AGAP1: variants seen among roughly 807,000 people sequenced by gnomAD.
The protein encoded by AGAP1 is arf-GAP with GTPase, ANK repeat and PH domain-containing protein 1.
Under a neutral mutation model 105.3 loss-of-function variants are expected in AGAP1, and 29 were observed. The ratio of observed to expected loss-of-function variants is 0.28; its 90% CI spans 0.21 to 0.38. AGAP1 has a LOEUF of 0.38. Among genes scored for constraint, AGAP1 ranks in the 10% least tolerant of loss-of-function variants. AGAP1 has a pLI of 1.00. For synonymous variants in AGAP1, 509 were observed against 485.9 expected, an observed-to-expected ratio of 1.05 and a Z score of -0.63; for missense variants, 998 against 1,165.1, an observed-to-expected ratio of 0.86 and a Z score of 2.09.
chr2:236,016,603 GTA>G (rs2056712568), intron 13 of AGAP1, among the ~76,000 whole-genome samples: 1 of 152,130 alleles, frequency 6.6e-6, no homozygotes, highest in African/African-American at 2.4e-5. Flanking sequence ...ACGGGACCCA[GTA>G]GAACCAGGAG....
rs115941706 is a variant in AGAP1 at position 235,769,113 on chromosome 2, T to C, written c.673+18625T>C. ...GATCCTTTTCTCAGATATTTTGTTT[T>C]CCTGGGTATTTTCCCTCTTCTGGGT... On this transcript the variant is annotated intron_variant, in intron 6 of 17. Coordinates refer to ENST00000304032, the MANE Select transcript of AGAP1 (RefSeq NM_001037131.3). The surrounding 1 kb of genome is among the most constrained non-coding windows in gnomAD (Gnocchi z 4.4). Among the ~76,000 whole-genome samples the C allele has an allele frequency of 7.5e-3, 1,137 of 152,320 alleles. 22 individuals carry two copies. Among genetic ancestry groups the C allele is most frequent in the African/African-American group, 0.026 (1,065 of 41,570 alleles).
intron 11 of AGAP1, among the ~76,000 whole-genome samples, chr2:235,923,504 C>T (rs951880463): frequency 1.1e-4 from 16 of 139,958 alleles, no homozygotes; most frequent in African/African-American, 3.3e-4. Flanking sequence ...CTTCCTGTCC[C>T]GTGCACCCCC....
rs946445612 is a variant in AGAP1 at position 235,549,411 on chromosome 2, A to G, written c.163+54562A>G. Among the ~76,000 whole-genome samples the G allele has an allele frequency of 7.2e-5, 11 of 152,114 alleles. No homozygotes were observed. Among genetic ancestry groups the G allele is most frequent in the African/African-American group, 2.7e-4 (11 of 41,444 alleles). On this transcript the variant is annotated intron_variant, in intron 1 of 17. Transcript: ENST00000304032. This position sits in a 1 kb window ranked among gnomAD's most constrained non-coding sequence, Gnocchi z 4.2. ...AGGACCCCAGAGAGCTCCCCCAGCT[A>G]CTTGGAGAGATGCTGTTGAGGTTGG...
At position 235,961,214 on chromosome 2, in the gene AGAP1, C is replaced by A. The variant is rs1339248090; in HGVS notation, c.1484-7248C>A. Among the ~76,000 whole-genome samples the A allele has an allele frequency of 6.6e-6, 1 of 152,196 alleles. No individual in the cohort carries two copies. Among genetic ancestry groups the A allele is most frequent in the Non-Finnish European group, 1.5e-5 (1 of 68,038 alleles). On this transcript the variant is annotated intron_variant, in intron 12 of 17. Coordinates refer to ENST00000304032, the MANE Select transcript of AGAP1 (RefSeq NM_001037131.3). This position sits in a 1 kb window ranked among gnomAD's most constrained non-coding sequence, Gnocchi z 5.9. ...GGAGAGAGCCACGGAGCACAGGGGGCCGGGAGGGGCTGGATGCGCCAGTGG... is the reference window on the plus strand; with the variant it reads ...GGAGAGAGCCACGGAGCACAGGGGGACGGGAGGGGCTGGATGCGCCAGTGG...
rs1178523831 is a variant in AGAP1, at chr2:236,035,765, G to A, written c.1646-796G>A. 2.0e-5 allele frequency among the ~76,000 whole-genome samples: 3 copies of A among 152,270 alleles called. No individual in the cohort carries two copies. In the East Asian group the frequency reaches 5.8e-4, roughly 30 times the overall value. On this transcript the variant is annotated intron_variant, in intron 13 of 17. Transcript: ENST00000304032. The surrounding 1 kb of genome is among the most constrained non-coding windows in gnomAD (Gnocchi z 4.2). ...CGTGGATCTGTGGAGTGTCTCCTAT[G>A]GACCAGGTCCCAAGTCCGCATGGGT...
intron 6 of AGAP1, among the ~76,000 whole-genome samples, chr2:235,757,608 A>C (rs1954037507): frequency 6.6e-6 from 1 of 151,972 alleles, no homozygotes; most frequent in African/African-American, 2.4e-5. Context: ...AAGCCATTCC[A>C]TTTGTCTTTT....
At chr2:235,573,028 TTC>T (rs1200138616) in intron 1 of AGAP1, among the ~76,000 whole-genome samples, 17,271 of 51,716 alleles carry the variant, frequency 0.33, 2,984 homozygotes, top group South Asian at 0.48. Context: ...CTTCTTCTTC[TTC>T]TTCTTCTTCT....
At chr2:235,534,012 C>G (rs1943128487) in intron 1 of AGAP1, among the ~76,000 whole-genome samples, 1 of 152,242 alleles carries the variant, frequency 6.6e-6, no homozygotes, top group African/African-American at 2.4e-5. Flanking sequence ...TGGGAAGCCC[C>G]CTAACCAACA....
Position 235,690,074 on chromosome 2 carries a change from G to A in AGAP1, c.164-19105G>A, listed in dbSNP as rs1002746094. Among the ~76,000 whole-genome samples the A allele has an allele frequency of 3.9e-5, 6 of 152,010 alleles. No homozygotes were observed. The highest frequency in any genetic ancestry group is 2.1e-4 in the South Asian group (1 of 4,820). ...CTAAGCCCCTGGGTGTCTCTCCCTCGGGGTTTTCATGCAGTATTGACACTC... is the reference window on the plus strand; with the variant it reads ...CTAAGCCCCTGGGTGTCTCTCCCTCAGGGTTTTCATGCAGTATTGACACTC... On this transcript the variant is annotated intron_variant, in intron 1 of 17. Transcript: ENST00000304032. This position sits in a 1 kb window ranked among gnomAD's most constrained non-coding sequence, Gnocchi z 4.1.
Position 235,965,732 on chromosome 2 carries a change from G to A in AGAP1, c.1484-2730G>A, listed in dbSNP as rs1025208522. Among the ~76,000 whole-genome samples, 3 of 152,204 alleles carry A rather than the reference G, an allele frequency of 2.0e-5. No individual in the cohort carries two copies. The highest frequency in any genetic ancestry group is 7.2e-5 in the African/African-American group (3 of 41,450). On this transcript the variant is annotated intron_variant, in intron 12 of 17. Coordinates refer to ENST00000304032, the MANE Select transcript of AGAP1 (RefSeq NM_001037131.3). The surrounding 1 kb of genome is among the most constrained non-coding windows in gnomAD (Gnocchi z 5.8). ...TAGTAACTTTGGATGAGTGTTTGCT[G>A]TTGAGACTGTGGCTTCAAGGGTTAA...
chr2:235,800,456 G>A (rs527707030), intron 8 of AGAP1, among the ~76,000 whole-genome samples: 3 of 152,210 alleles, frequency 2.0e-5, no homozygotes, highest in African/African-American at 7.2e-5. Flanking sequence ...GAATCTCTGA[G>A]CTACAGAGGT....
rs908896397 is a variant in AGAP1 at position 235,865,164 on chromosome 2, G to C, written c.1051-18181G>C. On this transcript the variant is annotated intron_variant, in intron 9 of 17. Coordinates refer to ENST00000304032, the MANE Select transcript of AGAP1 (RefSeq NM_001037131.3). This position sits in a 1 kb window ranked among gnomAD's most constrained non-coding sequence, Gnocchi z 6.2. ...CTTTTCTTTATTATCCCAAATTACT[G>C]CTGAGCTCTGGAGAGGGGAGCAGTT... 1.3e-5 allele frequency among the ~76,000 whole-genome samples: 2 copies of C among 152,182 alleles called. No individual in the cohort carries two copies. Among genetic ancestry groups the C allele is most frequent in the Non-Finnish European group, 2.9e-5 (2 of 68,040 alleles).
chr2:235,778,233 A>C (rs1956028074), intron 6 of AGAP1, among the ~76,000 whole-genome samples: 1 of 151,290 alleles, frequency 6.6e-6, no homozygotes, highest in African/African-American at 2.4e-5. Flanking sequence ...ACCTTGTACG[A>C]CCCTTGCCAT....
chr2:235,591,676 G>T (rs1222282216), intron 1 of AGAP1, among the ~76,000 whole-genome samples: 3 of 152,164 alleles, frequency 2.0e-5, no homozygotes, highest in African/African-American at 7.2e-5. Flanking sequence ...CAGGTGCTTG[G>T]GTCATGGGGG....
Position 235,528,967 on chromosome 2 carries a change from C to T in AGAP1, c.163+34118C>T, listed in dbSNP as rs116589132. 5.1e-3 allele frequency among the ~76,000 whole-genome samples: 784 copies of T among 152,292 alleles called. 5 individuals carry two copies. Among genetic ancestry groups the T allele is most frequent in the African/African-American group, 0.017 (716 of 41,558 alleles). Reference sequence around the variant, plus strand: ...CTGGGATTACATGCATGAGCCACTGCGCCCAGCCAGTGGGGTTAATTTTTG... The same window carrying T: ...CTGGGATTACATGCATGAGCCACTGTGCCCAGCCAGTGGGGTTAATTTTTG... On this transcript the variant is annotated intron_variant, in intron 1 of 17. Transcript: ENST00000304032.
rs2049929272 is a variant in AGAP1, at chr2:235,879,987, T to G, written c.1051-3358T>G. Among the ~76,000 whole-genome samples, 1 of 151,598 alleles carries G rather than the reference T, an allele frequency of 6.6e-6. No homozygotes were observed. The highest frequency in any genetic ancestry group is 6.6e-5 in the Admixed American group (1 of 15,220). ...TTAGCCGAACAGGATGGCACACGCC[T>G]GTAGTCCCAAGCTACTCAGGAGGAA... On this transcript the variant is annotated intron_variant, in intron 9 of 17. Coordinates refer to ENST00000304032, the MANE Select transcript of AGAP1 (RefSeq NM_001037131.3). This position sits in a 1 kb window ranked among gnomAD's most constrained non-coding sequence, Gnocchi z 5.0.
At chr2:235,595,829 TAAG>T (rs1945508172) in intron 1 of AGAP1, among the ~76,000 whole-genome samples, 1 of 152,178 alleles carries the variant, frequency 6.6e-6, no homozygotes, top group Admixed American at 6.5e-5. Context: ...CTTTGAAAAT[TAAG>T]AAAAATTATA....
intron 10 of AGAP1, among the ~76,000 whole-genome samples, chr2:235,902,761 G>A (rs912998195): frequency 2.0e-5 from 3 of 152,128 alleles, no homozygotes; most frequent in East Asian, 1.9e-4. Flanking sequence ...GCAGAAGTGC[G>A]TTTCTGCAAG....
chr2:235,683,438 C>T (rs763271227), intron 1 of AGAP1, among the ~76,000 whole-genome samples: 4 of 151,360 alleles, frequency 2.6e-5, no homozygotes, highest in Non-Finnish European at 5.9e-5. Context: ...ATGCCATCTA[C>T]ATTTGTATAA....
Sources: allele counts gnomAD v4.1 joint callset (sites outside exome capture counted in the v4.1 genomes callset), GRCh38; gene constraint gnomAD v4.1.1; non-coding constraint Gnocchi (gnomAD v3.1); transcripts MANE v1.5; gene names NCBI Gene and HGNC (gene_info 2026-07-23, HGNC 2026-07-21).